ABCF1: variants seen among roughly 807,000 people sequenced by gnomAD.
ABCF1 encodes the protein ATP binding cassette subfamily F member 1.
In ABCF1, 73 loss-of-function variants were observed where a neutral mutation model predicts 126.3. That is an observed-to-expected ratio of 0.58 (90% CI 0.48 to 0.70). ABCF1 has a LOEUF of 0.70. Among genes scored for constraint, ABCF1 ranks in the 30% least tolerant of loss-of-function variants. The pLI is 0.00. For synonymous variants in ABCF1, 345 were observed against 396.4 expected (o/e 0.87, Z 1.54); for missense variants, 786 against 1,057.5 (o/e 0.74, Z 3.56).
At chr6:30,580,104 T>C in intron 7 of ABCF1, 99 bp downstream of exon 7, 3 of 1,225,788 alleles carry the variant, frequency 2.4e-6, no homozygotes, top group Non-Finnish European at 3.4e-6. Context: ...CCCAGCACTT[T>C]GGGAGGCCGA....
At chr6:30,580,824 C>CCACT (rs1293668440) in intron 8 of ABCF1, among the ~76,000 whole-genome samples, 1 of 151,940 alleles carries the variant, frequency 6.6e-6, no homozygotes, top group African/African-American at 2.4e-5. Context: ...CAAGTGTGCA[C>CCACT]CACTACCCCT....
At chr6:30,575,824 G>A (rs1191469094) in intron 1 of ABCF1, among the ~76,000 whole-genome samples, 1 of 152,072 alleles carries the variant, frequency 6.6e-6, no homozygotes, top group Non-Finnish European at 1.5e-5. Flanking sequence ...AATTCCAACA[G>A]TTTGGGAAGC....
intron 6 of ABCF1, 77 bp downstream of exon 6, chr6:30,578,654 T>A: frequency 8.1e-7 from 1 of 1,230,552 alleles, no homozygotes; most frequent in Non-Finnish European, 1.2e-6. Context: ...TTCCCGCTTT[T>A]AAACTAGCTC....
chr6:30,580,641 T>G (rs1053434594), intron 8 of ABCF1, 122 bp downstream of exon 8: 47 of 616,754 alleles, frequency 7.6e-5, no homozygotes, highest in African/African-American at 1.8e-4. Context: ...TTTCTTTTTT[T>G]GGGGGAGTAG....
chr6:30,581,692 C>T lies in ABCF1; in HGVS notation c.679-702C>T, dbSNP rs146012982. 5.6e-3 allele frequency among the ~76,000 whole-genome samples: 848 copies of T among 152,082 alleles called. 6 individuals carry two copies. The highest frequency in any genetic ancestry group is 0.03 in the East Asian group (155 of 5,166). ...TGCTGGGATTACAGACATGAGCCAC[C>T]GTGCCCGGACGGCTACCTGATCTTT... On this transcript the variant is annotated intron_variant, in intron 8 of 24. Transcript: ENST00000326195.
At position 30,589,792 on chromosome 6, in the gene ABCF1, C is replaced by G; in HGVS notation, c.2065-14C>G. ...TGTGACTTTAACCGACCACCTCCCT[C>G]TCTTCTCGGGCAGAAAATTGGCTTC... On this transcript the variant is annotated splice_polypyrimidine_tract_variant and intron_variant, in intron 21 of 24. Coordinates refer to ENST00000326195, the MANE Select transcript of ABCF1 (RefSeq NM_001025091.2). The G allele has an allele frequency of 6.2e-7, 1 of 1,614,136 alleles. No individual in the cohort carries two copies.
intron 1 of ABCF1, among the ~76,000 whole-genome samples, chr6:30,575,486 C>G (rs991327923): frequency 6.6e-6 from 1 of 151,850 alleles, no homozygotes; most frequent in Non-Finnish European, 1.5e-5. Flanking sequence ...GAAGGGAAAT[C>G]ATGAGGCTGC....
chr6:30,590,915 A>C lies in ABCF1; in HGVS notation c.*214A>C. ...TGTTTGTTCTGCTTCTCTTCATATAACTGAGCTGGCCTTATCCTTGGCATC... is the reference window on the plus strand; with the variant it reads ...TGTTTGTTCTGCTTCTCTTCATATACCTGAGCTGGCCTTATCCTTGGCATC... On this transcript the variant is annotated 3_prime_UTR_variant, in exon 25 of 25. Coordinates refer to ENST00000326195, the MANE Select transcript of ABCF1 (RefSeq NM_001025091.2). 1 of 519,564 alleles carries C rather than the reference A, an allele frequency of 1.9e-6. No homozygotes were observed. The highest frequency in any genetic ancestry group is 3.3e-6 in the Non-Finnish European group (1 of 303,360). 32.2% of individuals were successfully genotyped at this position (519,564 alleles called of 1,614,324 possible).
chr6:30,584,213 C>A lies in ABCF1; in HGVS notation c.1124C>A (p.Pro375Gln). 1 of 1,612,594 alleles carries A rather than the reference C, an allele frequency of 6.2e-7. No homozygotes were observed. The highest frequency in any genetic ancestry group is 8.5e-7 in the Non-Finnish European group (1 of 1,179,892). Residue 375 changes from proline (P) to glutamine (Q), a missense_variant, in exon 13 of 25, where the codon CCA (proline) becomes CAA (glutamine). By Grantham distance (76) the Pro-to-Gln change is moderately conservative (BLOSUM62 -1). Coordinates refer to ENST00000326195, the MANE Select transcript of ABCF1 (RefSeq NM_001025091.2). This position sits in a 1 kb window ranked among gnomAD's most constrained non-coding sequence, Gnocchi z 4.6. ...CEQEVVADETPAVQAVLRADT... is the reference protein window; with the variant it reads ...CEQEVVADETQAVQAVLRADT... ...CCAGAGGTGGTAGCAGATGAGACACCAGCAGTCCAGGCTGTTCTTCGAGCT... is the reference window on the plus strand; with the variant it reads ...CCAGAGGTGGTAGCAGATGAGACACAAGCAGTCCAGGCTGTTCTTCGAGCT...
chr6:30,586,625 G>T lies in ABCF1; in HGVS notation c.1961-16G>T. 6.2e-7 allele frequency: 1 copy of T among 1,613,466 alleles called. No individual in the cohort carries two copies. The highest frequency in any genetic ancestry group is 8.5e-7 in the Non-Finnish European group (1 of 1,180,006). On this transcript the variant is annotated splice_polypyrimidine_tract_variant and intron_variant, in intron 19 of 24. Transcript: ENST00000326195. The surrounding 1 kb of genome is among the most constrained non-coding windows in gnomAD (Gnocchi z 4.9). ...TCTCTGGGGACCTCTTTGACCACCTGTCTTCCATCTTGCAGTTTGCATTGT... is the reference window on the plus strand; with the variant it reads ...TCTCTGGGGACCTCTTTGACCACCTTTCTTCCATCTTGCAGTTTGCATTGT...
chr6:30,578,987 A>G (rs762142717), intron 6 of ABCF1, among the ~76,000 whole-genome samples: 17 of 152,030 alleles, frequency 1.1e-4, no homozygotes, highest in Admixed American at 2.0e-4. Context: ...GCAACAGAGC[A>G]AGACTCAGTC....
chr6:30,589,675 T>C lies in ABCF1; in HGVS notation c.2032-13T>C, dbSNP rs868612415. 13 of 1,613,962 alleles carry C rather than the reference T, an allele frequency of 8.1e-6. 1 individual carries two copies. In the Middle Eastern group the frequency reaches 2.1e-3, roughly 266 times the overall value. On this transcript the variant is annotated splice_polypyrimidine_tract_variant and intron_variant, in intron 20 of 24. Transcript: ENST00000326195. The stretch of plus-strand genomic sequence containing the variant: ...CCTTGCCCTCCTCTTAACTACTTTG[T>C]CTTCCCTTGCAGACCCATGGGGAAA...
chr6:30,585,391 C>G, intron 15 of ABCF1, 48 bp downstream of exon 15: 1 of 1,594,630 alleles, frequency 6.3e-7, no homozygotes, highest in Non-Finnish European at 8.6e-7. Flanking sequence ...CACTTTCTTC[C>G]CCTTCCCTCC....
At position 30,578,477 on chromosome 6, in the gene ABCF1, A is replaced by G. The variant is rs769354763; in HGVS notation, c.389A>G (p.Asn130Ser). Residue 130 changes from asparagine (N) to serine (S), a missense_variant, in exon 6 of 25, where the codon AAT (asparagine) becomes AGT (serine). Coordinates refer to ENST00000326195, the MANE Select transcript of ABCF1 (RefSeq NM_001025091.2). ...GGCCCTTTCATTCTCTAGGGTGGTA[A>G]TGTTTTTGCAGCCCTGATTCAGGAT... Reference protein sequence around the residue: ...PRGGKKTKGGNVFAALIQDQS... With the variant: ...PRGGKKTKGGSVFAALIQDQS... 1 of 1,614,024 alleles carries G rather than the reference A, an allele frequency of 6.2e-7. No individual in the cohort carries two copies. The highest frequency in any genetic ancestry group is 1.1e-5 in the South Asian group (1 of 91,072).
Position 30,590,624 on chromosome 6 carries a change from G to A in ABCF1, c.2461G>A (p.Asp821Asn), listed in dbSNP as rs1254173922. 6 of 1,612,912 alleles carry A rather than the reference G, an allele frequency of 3.7e-6. No individual in the cohort carries two copies. Among genetic ancestry groups the A allele is most frequent in the South Asian group, 1.1e-5 (1 of 91,076 alleles). ...GGAGGAGCAGAGTGTTAGCCAAATC[G>A]ATGGTGACTTTGAAGACTACAAGCG... ...VVEEQSVSQI[D>N]GDFEDYKREV... The change falls in exon 25 of 25, where the codon GAT becomes AAT. Residue 821 changes from aspartate (D) to asparagine (N), a missense_variant. Physicochemically the swap from Asp to Asn is conservative, Grantham distance 23 (BLOSUM62 1). Around this residue, in one of 4 missense-constraint regions of ABCF1, gnomAD observed 288 missense variants for 423.5 expected, o/e 0.68. Transcript: ENST00000326195.
rs1254567074 is a variant in ABCF1 at position 30,586,471 on chromosome 6, C to G, written c.1886-3C>G. 1 of 1,613,608 alleles carries G rather than the reference C, an allele frequency of 6.2e-7. No individual in the cohort carries two copies. The highest frequency in any genetic ancestry group is 1.3e-5 in the African/African-American group (1 of 74,922). ...ATAAATTGCTTCTTTTCGTGGCTTT[C>G]AGGTGTGACATTCGGCTACCAGGGA... On this transcript the variant is annotated splice_polypyrimidine_tract_variant and splice_region_variant and intron_variant, in intron 18 of 24. Transcript: ENST00000326195. This position sits in a 1 kb window ranked among gnomAD's most constrained non-coding sequence, Gnocchi z 4.9.
rs149670649 is a variant in ABCF1, at chr6:30,579,954, T to G, written c.513T>G (p.Pro171=). ...AGGCCGTATCTGAGGAACAGCAGCC[T>G]GCACTCAAGGGCAAAAAGGGAAAGG... The part of the protein sequence containing the change: ...INKAVSEEQQ[P]ALKGKKGKEE... The change falls in exon 7 of 25, where the codon CCT becomes CCG. Residue 171 remains proline (P), a synonymous_variant. Transcript: ENST00000326195. The G allele has an allele frequency of 6.2e-7, 1 of 1,612,688 alleles. No individual in the cohort carries two copies. Among genetic ancestry groups the G allele is most frequent in the Admixed American group, 1.7e-5 (1 of 59,978 alleles).
At position 30,584,520 on chromosome 6, in the gene ABCF1, A is replaced by T; in HGVS notation, c.1345A>T (p.Thr449Ser). 1.2e-6 allele frequency: 2 copies of T among 1,612,436 alleles called. No individual in the cohort carries two copies. Among genetic ancestry groups the T allele is most frequent in the Non-Finnish European group, 1.7e-6 (2 of 1,179,686 alleles). ...GFDPEMQNRP[T>S]QKFSGGWRMR... The stretch of plus-strand genomic sequence containing the variant: ...TGACCCTGAAATGCAGAATCGACCC[A>T]CACAGAAGTTCTCAGGGGGCTGGCG... The change falls in exon 14 of 25, where the codon ACA (threonine) becomes TCA (serine). Residue 449 changes from threonine (T) to serine (S), a missense_variant. Transcript: ENST00000326195. This position sits in a 1 kb window ranked among gnomAD's most constrained non-coding sequence, Gnocchi z 4.6.
At position 30,583,117 on chromosome 6, in the gene ABCF1, A is replaced by G. The variant is rs1375583495; in HGVS notation, c.844A>G (p.Asn282Asp). ...ATTAAAAGCAGCCAATGCAGCTGAA[A>G]ATGACTTCTCCGTGTCCCAGGCGGA... ...ASLKAANAAE[N>D]DFSVSQAEMS... Residue 282 changes from asparagine (N) to aspartate (D), a missense_variant, in exon 10 of 25, where the codon AAT becomes GAT. Physicochemically the swap from Asn to Asp is conservative, Grantham distance 23 (BLOSUM62 1). Coordinates refer to ENST00000326195, the MANE Select transcript of ABCF1 (RefSeq NM_001025091.2). This position sits in a 1 kb window ranked among gnomAD's most constrained non-coding sequence, Gnocchi z 4.1. The G allele has an allele frequency of 1.2e-6, 2 of 1,611,758 alleles. No homozygotes were observed. Among genetic ancestry groups the G allele is most frequent in the Non-Finnish European group, 1.7e-6 (2 of 1,178,976 alleles).
Sources: allele counts gnomAD v4.1 joint callset (sites outside exome capture counted in the v4.1 genomes callset), GRCh38; gene constraint gnomAD v4.1.1; regional missense constraint gnomAD v4.1.1; non-coding constraint Gnocchi (gnomAD v3.1); transcripts MANE v1.5; gene names NCBI Gene and HGNC (gene_info 2026-07-23, HGNC 2026-07-21).